The following KIRREL3 variants were observed in gnomAD, a reference collection of about 807,000 sequenced individuals.
The protein encoded by KIRREL3 is kin of IRRE-like protein 3.
Under a neutral mutation model 89.7 loss-of-function variants are expected in KIRREL3, and 36 were observed. The observed-to-expected ratio is 0.40, with a 90% CI of 0.31 to 0.53. The LOEUF is 0.53. Ranked by LOEUF, KIRREL3 falls within the 20% of genes least tolerant of loss-of-function variation. KIRREL3 has a pLI of 0.49. For missense variants in KIRREL3, 864 were observed against 1,056.6 expected, an observed-to-expected ratio of 0.82 and a Z score of 2.53; for synonymous variants, 445 against 441.4, an observed-to-expected ratio of 1.01 and a Z score of -0.10.
At chr11:126,834,760 C>G (rs887479874) in intron 1 of KIRREL3, among the ~76,000 whole-genome samples, 4 of 152,270 alleles carry the variant, frequency 2.6e-5, no homozygotes, top group Non-Finnish European at 4.4e-5. Flanking sequence ...AAAGCACTCT[C>G]ATCTGTGCAG....
In KIRREL3 at chr11:126,797,574, C is replaced by T. The variant is rs558707753; in HGVS notation, c.55+202881G>A. Among the ~76,000 whole-genome samples, 1 of 152,234 alleles carries T rather than the reference C, an allele frequency of 6.6e-6. No individual in the cohort carries two copies. Among genetic ancestry groups the T allele is most frequent in the East Asian group, 1.9e-4 (1 of 5,162 alleles). On this transcript the variant is annotated intron_variant, in intron 1 of 16. Transcript: ENST00000525144. The surrounding 1 kb of genome is among the most constrained non-coding windows in gnomAD (Gnocchi z 4.9). Reference sequence around the variant, plus strand: ...GAGTTTTATTAGTGGCTTACCATGGCACTTAGTCCCAATCTACTCCACAGC... The same window carrying T: ...GAGTTTTATTAGTGGCTTACCATGGTACTTAGTCCCAATCTACTCCACAGC...
intron 4 of KIRREL3, among the ~76,000 whole-genome samples, chr11:126,514,724 C>T (rs1021588326): frequency 1.3e-5 from 2 of 152,164 alleles, no homozygotes; most frequent in Non-Finnish European, 2.9e-5. Flanking sequence ...AACTTGCTCA[C>T]GGTCACACCA....
chr11:126,810,872 A>G (rs1951361420), intron 1 of KIRREL3, among the ~76,000 whole-genome samples: 1 of 152,204 alleles, frequency 6.6e-6, no homozygotes, highest in Non-Finnish European at 1.5e-5. Context: ...CCCTGAGAAT[A>G]TGATGGCTGT....
Position 126,908,669 on chromosome 11 carries a change from A to C in KIRREL3, c.55+91786T>G, listed in dbSNP as rs1415871361. Among the ~76,000 whole-genome samples, 2 of 152,226 alleles carry C rather than the reference A, an allele frequency of 1.3e-5. No homozygotes were observed. The highest frequency in any genetic ancestry group is 2.9e-5 in the Non-Finnish European group (2 of 68,042). Reference sequence around the variant, plus strand: ...AAATCACAAATTCATTCATTTAACAAGTATTAAAGGGCTTCCCATACACCA... The same window carrying C: ...AAATCACAAATTCATTCATTTAACACGTATTAAAGGGCTTCCCATACACCA... On this transcript the variant is annotated intron_variant, in intron 1 of 16. Coordinates refer to ENST00000525144, the MANE Select transcript of KIRREL3 (RefSeq NM_032531.4). This position sits in a 1 kb window ranked among gnomAD's most constrained non-coding sequence, Gnocchi z 4.2.
intron 1 of KIRREL3, among the ~76,000 whole-genome samples, chr11:126,580,966 A>G (rs1441653873): frequency 6.6e-6 from 1 of 150,780 alleles, no homozygotes; most frequent in East Asian, 2.0e-4. Context: ...TCCACTGCCT[A>G]TGGTGAAGTA....
intron 1 of KIRREL3, among the ~76,000 whole-genome samples, chr11:126,963,310 TACACACACACACAC>T (rs10626906): frequency 1.4e-5 from 2 of 146,084 alleles, no homozygotes; most frequent in Non-Finnish European, 3.0e-5. Flanking sequence ...AGAACACACA[TACACACACACACAC>T]ACACACACAC....
chr11:126,615,767 C>A lies in KIRREL3; in HGVS notation c.56-52855G>T, dbSNP rs1304084089. On this transcript the variant is annotated intron_variant, in intron 1 of 16. Transcript: ENST00000525144. This position sits in a 1 kb window ranked among gnomAD's most constrained non-coding sequence, Gnocchi z 5.4. The stretch of plus-strand genomic sequence containing the variant: ...TGTTGGCCCGGTCCAGAGGCAGAGC[C>A]TTACTACCTTTGGCTACATAGGCTC... Among the ~76,000 whole-genome samples the A allele has an allele frequency of 6.6e-6, 1 of 152,218 alleles. No individual in the cohort carries two copies. Among genetic ancestry groups the A allele is most frequent in the East Asian group, 1.9e-4 (1 of 5,196 alleles).
Position 126,640,357 on chromosome 11 carries a change from C to G in KIRREL3, c.56-77445G>C, listed in dbSNP as rs979749769. ...CAACACACACACAGACGCGCGTGTGCGCGCGCACACACACGCACACGCGCA... is the reference window on the plus strand; with the variant it reads ...CAACACACACACAGACGCGCGTGTGGGCGCGCACACACACGCACACGCGCA... On this transcript the variant is annotated intron_variant, in intron 1 of 16. Transcript: ENST00000525144. The surrounding 1 kb of genome is among the most constrained non-coding windows in gnomAD (Gnocchi z 4.9). 6.6e-6 allele frequency among the ~76,000 whole-genome samples: 1 copy of G among 151,976 alleles called. No individual in the cohort carries two copies. Among genetic ancestry groups the G allele is most frequent in the Admixed American group, 6.6e-5 (1 of 15,256 alleles).
chr11:126,909,573 G>C lies in KIRREL3; in HGVS notation c.55+90882C>G, dbSNP rs1479974897. On this transcript the variant is annotated intron_variant, in intron 1 of 16. Transcript: ENST00000525144. This position sits in a 1 kb window ranked among gnomAD's most constrained non-coding sequence, Gnocchi z 4.5. The stretch of plus-strand genomic sequence containing the variant: ...CCGTGGGTAATTAACAACCGAGAAA[G>C]GGCTCTGCTGAATGGAGTCGCAACA... Among the ~76,000 whole-genome samples the C allele has an allele frequency of 3.3e-5, 5 of 152,128 alleles. No individual in the cohort carries two copies. The highest frequency in any genetic ancestry group is 1.2e-4 in the African/African-American group (5 of 41,426).
At chr11:126,479,161 G>A (rs932534821) in intron 4 of KIRREL3, among the ~76,000 whole-genome samples, 2 of 152,166 alleles carry the variant, frequency 1.3e-5, no homozygotes, top group Non-Finnish European at 2.9e-5. Flanking sequence ...GGGGCTCTGG[G>A]AGAGTCAGTG....
At chr11:126,680,893 C>T (rs749716383) in intron 1 of KIRREL3, among the ~76,000 whole-genome samples, 2 of 152,120 alleles carry the variant, frequency 1.3e-5, no homozygotes, top group Non-Finnish European at 2.9e-5. Context: ...TTCAGCAGCA[C>T]GACCTAACAG....
chr11:126,552,821 C>T (rs993114802), intron 2 of KIRREL3, among the ~76,000 whole-genome samples: 1 of 152,030 alleles, frequency 6.6e-6, no homozygotes, highest in Non-Finnish European at 1.5e-5. Flanking sequence ...CCTCAGCCTC[C>T]CAAAATGCTG....
At chr11:126,602,987 A>G (rs1403647874) in intron 1 of KIRREL3, among the ~76,000 whole-genome samples, 1 of 152,164 alleles carries the variant, frequency 6.6e-6, no homozygotes, top group Non-Finnish European at 1.5e-5. Flanking sequence ...TGAGGCATAG[A>G]GACCAATAGG....
chr11:126,433,746 T>C (rs187730349), intron 13 of KIRREL3, among the ~76,000 whole-genome samples: 1 of 152,382 alleles, frequency 6.6e-6, no homozygotes, highest in East Asian at 1.9e-4. Flanking sequence ...GGTTCTCTGC[T>C]TTTGAATTGG....
chr11:126,630,148 GGGTTT>G (rs1343442046), intron 1 of KIRREL3, among the ~76,000 whole-genome samples: 5 of 152,190 alleles, frequency 3.3e-5, no homozygotes, highest in Non-Finnish European at 5.9e-5. Context: ...TAGACGGACT[GGGTTT>G]GGAAAAGTGC....
At chr11:126,793,818 G>C (rs527327699) in intron 1 of KIRREL3, among the ~76,000 whole-genome samples, 2 of 152,276 alleles carry the variant, frequency 1.3e-5, no homozygotes, top group East Asian at 3.9e-4. Flanking sequence ...TGAAGAACTC[G>C]CGTTCCTCTG....
intron 1 of KIRREL3, among the ~76,000 whole-genome samples, chr11:126,963,888 A>C (rs1426426001): frequency 6.6e-6 from 1 of 152,192 alleles, no homozygotes; most frequent in Non-Finnish European, 1.5e-5. Flanking sequence ...TATGACTCCA[A>C]TGCCAAAAAT....
chr11:126,911,907 C>T (rs1040100926), intron 1 of KIRREL3, among the ~76,000 whole-genome samples: 5 of 141,652 alleles, frequency 3.5e-5, no homozygotes, highest in East Asian at 4.6e-4. Flanking sequence ...GGGGTGAACC[C>T]GGGAGGCAGA....
intron 2 of KIRREL3, among the ~76,000 whole-genome samples, chr11:126,540,441 C>T (rs977290131): frequency 6.6e-6 from 1 of 152,204 alleles, no homozygotes; most frequent in East Asian, 1.9e-4. Context: ...ACTTCTCTCC[C>T]AGGACACAAA....
Sources: allele counts gnomAD v4.1 joint callset (sites outside exome capture counted in the v4.1 genomes callset), GRCh38; gene constraint gnomAD v4.1.1; non-coding constraint Gnocchi (gnomAD v3.1); transcripts MANE v1.5; gene names NCBI Gene and HGNC (gene_info 2026-07-23, HGNC 2026-07-21).